The following NTM variants were observed in gnomAD, a reference collection of about 807,000 sequenced individuals.
NTM encodes the protein neurotrimin.
NTM carries 13 observed loss-of-function variants against 42.1 expected under a neutral mutation model. The observed-to-expected ratio is 0.31, with a 90% confidence interval of 0.20 to 0.49. NTM has a LOEUF of 0.49. Among genes scored for constraint, NTM ranks in the 20% least tolerant of loss-of-function variants. The pLI is 0.99. For missense variants in NTM, 373 were observed against 452.8 expected (o/e 0.82, Z 1.60); for synonymous variants, 187 against 179.2 (o/e 1.04, Z -0.35).
chr11:131,718,860 C>T (rs1220505635), intron 1 of NTM, among the ~76,000 whole-genome samples: 1 of 152,156 alleles, frequency 6.6e-6, no homozygotes, highest in Non-Finnish European at 1.5e-5. Flanking sequence ...GGGATGAATG[C>T]TGTGCTCCTC....
At chr11:131,560,605 T>C (rs1450899955) in intron 1 of NTM, among the ~76,000 whole-genome samples, 1 of 152,196 alleles carries the variant, frequency 6.6e-6, no homozygotes, top group East Asian at 1.9e-4. Flanking sequence ...CCTCCTTTCT[T>C]CCAGTCACAT....
chr11:132,305,981 T>C (rs954525050), intron 4 of NTM, among the ~76,000 whole-genome samples: 1 of 152,248 alleles, frequency 6.6e-6, no homozygotes, highest in Admixed American at 6.5e-5. Context: ...TTTCCTCTTC[T>C]GTATGTAACA....
At chr11:131,708,702 G>T (rs2076828004) in intron 1 of NTM, among the ~76,000 whole-genome samples, 2 of 152,210 alleles carry the variant, frequency 1.3e-5, no homozygotes, top group South Asian at 4.2e-4. Flanking sequence ...ATTTATTCAT[G>T]AAAAATATAT....
At chr11:131,512,428 G>C (rs1018986912) in intron 1 of NTM, among the ~76,000 whole-genome samples, 4 of 152,132 alleles carry the variant, frequency 2.6e-5, no homozygotes, top group Non-Finnish European at 5.9e-5. Context: ...CCTCAAACCA[G>C]AGCCTGGAGA....
rs752504731 is a variant in NTM, at chr11:132,335,182, G to GCCA, written c.*49_*51dup. The stretch of plus-strand genomic sequence containing the variant: ...ACTTCCCCACCCGGGAAAGGCTGCC[G>GCCA]CCACCACCACCACCAACACAACAGC... On this transcript the variant is annotated 3_prime_UTR_variant, in exon 9 of 9. Coordinates refer to ENST00000683400, the MANE Select transcript of NTM (RefSeq NM_001352005.2). 1.5e-5 allele frequency: 24 copies of GCCA among 1,606,842 alleles called. No individual in the cohort carries two copies. Among genetic ancestry groups the GCCA allele is most frequent in the Middle Eastern group, 3.3e-4 (2 of 6,070 alleles).
At chr11:131,862,762 A>C (rs1736214491) in intron 1 of NTM, among the ~76,000 whole-genome samples, 2 of 152,342 alleles carry the variant, frequency 1.3e-5, no homozygotes, top group East Asian at 1.9e-4. Flanking sequence ...CCAAACCTCG[A>C]AATATGAGTT....
At chr11:131,487,076 C>T (rs1168541547) in intron 1 of NTM, among the ~76,000 whole-genome samples, 2 of 152,240 alleles carry the variant, frequency 1.3e-5, no homozygotes, top group East Asian at 1.9e-4. Context: ...AGTGTTCCTG[C>T]TGCTGTCTGA....
intron 3 of NTM, among the ~76,000 whole-genome samples, chr11:132,196,046 G>T (rs1352512885): frequency 2.0e-5 from 3 of 152,102 alleles, no homozygotes; most frequent in Non-Finnish European, 2.9e-5. Context: ...CATCAACTAT[G>T]CATCCATCAA....
At chr11:131,909,531 C>T (rs1427228416) in intron 1 of NTM, among the ~76,000 whole-genome samples, 2 of 152,200 alleles carry the variant, frequency 1.3e-5, no homozygotes, top group Non-Finnish European at 2.9e-5. Flanking sequence ...GCCACTGTTG[C>T]CTCCTCTCCA....
chr11:131,464,311 G>A (rs1016748247), intron 1 of NTM, among the ~76,000 whole-genome samples: 5 of 151,898 alleles, frequency 3.3e-5, no homozygotes, highest in African/African-American at 9.7e-5. Context: ...TGATCTGTCA[G>A]GACACCTGGC....
chr11:131,798,371 G>A lies in NTM; in HGVS notation c.83-113193G>A, dbSNP rs576878417. On this transcript the variant is annotated intron_variant, in intron 1 of 8. Coordinates refer to ENST00000683400, the MANE Select transcript of NTM (RefSeq NM_001352005.2). Reference sequence around the variant, plus strand: ...GGAACAACATCTAGGAAAGAGGGAAGATGGAGACTCCTCCAAATGCCTTAT... The same window carrying A: ...GGAACAACATCTAGGAAAGAGGGAAAATGGAGACTCCTCCAAATGCCTTAT... 2.2e-4 allele frequency among the ~76,000 whole-genome samples: 33 copies of A among 152,316 alleles called. 1 individual carries two copies. In the South Asian group the frequency reaches 6.6e-3, roughly 31 times the overall value.
chr11:131,714,713 A>G (rs944524800), intron 1 of NTM, among the ~76,000 whole-genome samples: 2 of 152,138 alleles, frequency 1.3e-5, no homozygotes, highest in Admixed American at 6.5e-5. Flanking sequence ...GCACAGTGTA[A>G]GTCATGTGTC....
chr11:131,490,130 C>T (rs1954623273), intron 1 of NTM, among the ~76,000 whole-genome samples: 2 of 152,268 alleles, frequency 1.3e-5, no homozygotes, highest in East Asian at 1.9e-4. Context: ...TCACTCACTA[C>T]CGGGAGAATG....
intron 1 of NTM, chr11:131,671,321 C>A: frequency 1.7e-6 from 1 of 604,190 alleles, no homozygotes; most frequent in Non-Finnish European, 2.1e-6. Context: ...CGTCTATACT[C>A]ATCCTCCCCG....
chr11:131,561,035 T>C (rs1197010979), intron 1 of NTM, among the ~76,000 whole-genome samples: 1 of 152,224 alleles, frequency 6.6e-6, no homozygotes, highest in African/African-American at 2.4e-5. Context: ...GAAAAGCCAG[T>C]GTCCACCTTC....
intron 1 of NTM, among the ~76,000 whole-genome samples, chr11:131,415,412 C>T (rs749108004): frequency 1.3e-5 from 2 of 152,200 alleles, no homozygotes; most frequent in Non-Finnish European, 2.9e-5. Flanking sequence ...AAACTCTTCT[C>T]CAGGCAAGGT....
chr11:132,228,701 C>G (rs942286212), intron 4 of NTM, among the ~76,000 whole-genome samples: 10 of 152,230 alleles, frequency 6.6e-5, no homozygotes, highest in African/African-American at 2.4e-4. Context: ...AGTTTTGCTT[C>G]CAGCTGCCCA....
At chr11:132,290,944 A>G (rs773785062) in intron 4 of NTM, among the ~76,000 whole-genome samples, 1 of 152,196 alleles carries the variant, frequency 6.6e-6, no homozygotes, top group Non-Finnish European at 1.5e-5. Flanking sequence ...TTCTAGAATT[A>G]TGAGTTGTTT....
intron 1 of NTM, among the ~76,000 whole-genome samples, chr11:131,395,865 T>C (rs890038547): frequency 2.0e-5 from 3 of 152,198 alleles, no homozygotes; most frequent in African/African-American, 7.2e-5. Context: ...TCTAGATTTA[T>C]CTTCTAAAAA....
Sources: gnomAD v4.1 joint callset for allele counts (sites outside exome capture counted in the v4.1 genomes callset) on GRCh38, gnomAD v4.1.1 for gene constraint, MANE v1.5 for transcripts, NCBI Gene and HGNC (gene_info 2026-07-23, HGNC 2026-07-21) for gene names.